C2orf92: variants seen among roughly 807,000 people sequenced by gnomAD.
The protein encoded by C2orf92 is chromosome 2 open reading frame 92, also known as uncharacterized protein C2orf92.
Position 97,675,947 on chromosome 2 carries a change from T to G in C2orf92, c.232+19T>G. ...ATATTTGGTAAGTAGCCTCCTGCTA[T>G]GAAGCCTTTAGCCTGTGTTTGAAGA... On this transcript the variant is annotated intron_variant, in intron 3 of 7. Coordinates refer to ENST00000627399, the MANE Select transcript of C2orf92 (RefSeq NM_001351368.2). 1 of 398,632 alleles carries G rather than the reference T, an allele frequency of 2.5e-6. No individual in the cohort carries two copies. The highest frequency in any genetic ancestry group is 4.4e-6 in the Non-Finnish European group (1 of 226,074). 24.7% of individuals were successfully genotyped at this position (398,632 alleles called of 1,614,324 possible). A position where few individuals can be genotyped will look rare whatever the true frequency, so the allele number is the denominator to read the frequency against.
At chr2:97,692,008 T>G (rs1453961364) in intron 5 of C2orf92, among the ~76,000 whole-genome samples, 1 of 152,224 alleles carries the variant, frequency 6.6e-6, no homozygotes, top group Non-Finnish European at 1.5e-5. Context: ...TGCATGTTTG[T>G]TTTTCCATGT....
At chr2:97,668,287 T>C (rs917132309), upstream of C2orf92, 6 of 152,234 alleles carry the variant, frequency 3.9e-5, no homozygotes, top group African/African-American at 1.4e-4. Flanking sequence ...CCTCTCTTCA[T>C]ATGTTGAAGT....
At chr2:97,696,638 A>G (rs1209911331) in intron 5 of C2orf92, among the ~76,000 whole-genome samples, 1 of 152,162 alleles carries the variant, frequency 6.6e-6, no homozygotes, top group African/African-American at 2.4e-5. Context: ...TGGGAGGCTG[A>G]GGCAGGAAAA....
chr2:97,687,409 T>TACCACC (rs897502034), intron 3 of C2orf92, among the ~76,000 whole-genome samples: 2 of 152,024 alleles, frequency 1.3e-5, no homozygotes, highest in African/African-American at 2.4e-5. Context: ...AAGTGTATTT[T>TACCACC]ACCACCACCA....
intron 1 of C2orf92, chr2:97,670,228 A>T (rs922059478): frequency 1.9e-5 from 3 of 154,104 alleles, no homozygotes; most frequent in African/African-American, 7.2e-5. Context: ...ACAGTGGCTC[A>T]CTCTTGTAAC....
chr2:97,666,711 T>C (rs1224722813), upstream of C2orf92, among the ~76,000 whole-genome samples: 6 of 151,344 alleles, frequency 4.0e-5, no homozygotes, highest in African/African-American at 1.5e-4. Context: ...GGCATGATGT[T>C]GTGCGCCTGT....
At chr2:97,671,518 T>C in intron 1 of C2orf92, 1 of 398,644 alleles carries the variant, frequency 2.5e-6, no homozygotes, top group Non-Finnish European at 4.4e-6. Flanking sequence ...CCCCACTCCC[T>C]GTGGAACCTC....
rs187882038 is a variant in C2orf92 at position 97,680,135 on chromosome 2, A to C, written c.232+4207A>C. Reference sequence around the variant, plus strand: ...GCCAACATGGTGAAACCCCGTCTTTACTAAAACACAAAAATTAGCTGAGCG... The same window carrying C: ...GCCAACATGGTGAAACCCCGTCTTTCCTAAAACACAAAAATTAGCTGAGCG... On this transcript the variant is annotated intron_variant, in intron 3 of 7. Coordinates refer to ENST00000627399, the MANE Select transcript of C2orf92 (RefSeq NM_001351368.2). Among the ~76,000 whole-genome samples the C allele has an allele frequency of 1.3e-3, 202 of 152,170 alleles. 1 individual carries two copies. The highest frequency in any genetic ancestry group is 4.6e-3 in the African/African-American group (191 of 41,508).
intron 3 of C2orf92, among the ~76,000 whole-genome samples, chr2:97,676,450 A>AAAAAAAAAAAAAAAAG (rs1675584272): frequency 4.1e-5 from 1 of 24,318 alleles, no homozygotes; most frequent in African/African-American, 1.0e-4. Flanking sequence ...AAAAAAAAAG[A>AAAAAAAAAAAAAAAAG]AAAAAAAAAA....
intron 5 of C2orf92, among the ~76,000 whole-genome samples, chr2:97,692,719 T>A (rs1171609121): frequency 2.6e-5 from 4 of 152,248 alleles, no homozygotes; most frequent in African/African-American, 7.2e-5. Flanking sequence ...CAGTTTTACA[T>A]CTTTACCTAT....
intron 2 of C2orf92, among the ~76,000 whole-genome samples, chr2:97,674,839 C>A (rs1675525119): frequency 6.6e-6 from 1 of 152,164 alleles, no homozygotes; most frequent in Non-Finnish European, 1.5e-5. Context: ...GTGCAGAGGA[C>A]AGAAACCCGG....
intron 1 of C2orf92, chr2:97,671,789 C>G (rs1211789740): frequency 3.3e-6 from 1 of 302,602 alleles, no homozygotes; most frequent in Non-Finnish European, 6.0e-6. Flanking sequence ...TCGCCAGTTT[C>G]TGCTCTGAGG....
intron 7 of C2orf92, among the ~76,000 whole-genome samples, chr2:97,701,552 A>G (rs1327503959): frequency 6.6e-6 from 1 of 152,196 alleles, no homozygotes; most frequent in African/African-American, 2.4e-5. Flanking sequence ...GTTGCCTCTC[A>G]AGGCCACTAC....
intron 1 of C2orf92, chr2:97,671,300 C>T (rs1189543860): frequency 3.7e-5 from 14 of 381,728 alleles, no homozygotes; most frequent in Admixed American, 2.7e-4. Context: ...CACACCACCA[C>T]GCCCAGGTAA....
chr2:97,671,231 ACTC>A, intron 1 of C2orf92: 1 of 362,564 alleles, frequency 2.8e-6, no homozygotes, highest in Non-Finnish European at 4.9e-6. Flanking sequence ...CTGGTCATGA[ACTC>A]CTGACCTCAA....
At chr2:97,684,871 G>C in intron 3 of C2orf92, among the ~76,000 whole-genome samples, 1 of 152,146 alleles carries the variant, frequency 6.6e-6, no homozygotes, top group East Asian at 1.9e-4. Flanking sequence ...AACATCATTA[G>C]TCATTAGGGA....
At chr2:97,700,922 G>A (rs1388540396) in intron 6 of C2orf92, among the ~76,000 whole-genome samples, 1 of 151,984 alleles carries the variant, frequency 6.6e-6, no homozygotes, top group African/African-American at 2.4e-5. Context: ...TAGTAGAGAC[G>A]GGGTTTCACC....
intron 6 of C2orf92, among the ~76,000 whole-genome samples, chr2:97,700,723 G>GT (rs1676464403): frequency 9.1e-6 from 1 of 109,622 alleles, no homozygotes; most frequent in Non-Finnish European, 2.5e-5. Flanking sequence ...AGATGCCAAG[G>GT]TTTTTTGTTT....
chr2:97,699,453 T>A (rs540505611), intron 6 of C2orf92, among the ~76,000 whole-genome samples: 24 of 151,932 alleles, frequency 1.6e-4, no homozygotes, highest in African/African-American at 5.8e-4. Context: ...AAAGAAAAAA[T>A]TAGCTGGGCA....
Sources: gnomAD v4.1 joint callset for allele counts (sites outside exome capture counted in the v4.1 genomes callset) on GRCh38, gnomAD v4.1.1 for gene constraint, MANE v1.5 for transcripts, NCBI Gene and HGNC (gene_info 2026-07-23, HGNC 2026-07-21) for gene names.